Variants in ERICH6B observed in about 807,000 individuals in gnomAD.
ERICH6B encodes glutamate rich 6B.
ERICH6B carries 69 observed loss-of-function variants against 80.0 expected under a neutral mutation model. That is an observed-to-expected ratio of 0.86 (90% CI 0.71 to 1.05). The LOEUF is 1.05. Ranked by LOEUF, ERICH6B falls within the 50% of genes least tolerant of loss-of-function variation. The pLI, the probability that ERICH6B is intolerant of heterozygous loss-of-function variation, is 0.00. For missense variants in ERICH6B, 754 were observed against 796.1 expected, an observed-to-expected ratio of 0.95 and a Z score of 0.64; for synonymous variants, 283 against 291.9, an observed-to-expected ratio of 0.97 and a Z score of 0.31.
chr13:45,590,604 C>G (rs1387688314), intron 4 of ERICH6B, 45 bp downstream of exon 4: 2 of 1,524,340 alleles, frequency 1.3e-6, no homozygotes, highest in Admixed American at 2.0e-5. Context: ...ACATTGTCCC[C>G]AAGCAGGAGT....
At position 45,541,594 on chromosome 13, in the gene ERICH6B, G is replaced by A; in HGVS notation, c.1959C>T (p.Val653=). ...GGAGCCTATTCATTTTCCCCAGAAG[G>A]ACCCGGATCTTCTGGGCTGTTGGGC... ...EPGPTAQKIR[V]LLGKMNRLLN... is the part of the protein sequence containing the mutation. The change falls in exon 15 of 15, where the codon GTC becomes GTT. Residue 653 remains valine (V), a synonymous_variant. Transcript: ENST00000298738. The A allele has an allele frequency of 6.4e-7, 1 of 1,551,836 alleles. No individual in the cohort carries two copies. Among genetic ancestry groups the A allele is most frequent in the Non-Finnish European group, 8.7e-7 (1 of 1,147,032 alleles).
At chr13:45,542,716 C>G (rs2137950651) in intron 14 of ERICH6B, among the ~76,000 whole-genome samples, 1 of 152,362 alleles carries the variant, frequency 6.6e-6, no homozygotes, top group Non-Finnish European at 1.5e-5. Context: ...GTGCTGGCCT[C>G]CTCTTCACTG....
chr13:45,555,682 C>G (rs1874408499), intron 11 of ERICH6B, among the ~76,000 whole-genome samples: 1 of 151,882 alleles, frequency 6.6e-6, no homozygotes, highest in African/African-American at 2.4e-5. Flanking sequence ...ATGAAAAGAC[C>G]CAGATCCCCG....
intron 11 of ERICH6B, among the ~76,000 whole-genome samples, 153 bp downstream of exon 11, chr13:45,561,216 A>G (rs1874658580): frequency 6.6e-6 from 1 of 152,056 alleles, no homozygotes; most frequent in African/African-American, 2.4e-5. Flanking sequence ...CCAGCAACCC[A>G]CACACTCAGG....
At chr13:45,576,139 C>T (rs1875392448) in intron 7 of ERICH6B, among the ~76,000 whole-genome samples, 1 of 152,202 alleles carries the variant, frequency 6.6e-6, no homozygotes, top group Admixed American at 6.5e-5. Flanking sequence ...GTAGCAAAAA[C>T]TCTGACTCCT....
At chr13:45,589,177 A>G (rs1031324345) in intron 4 of ERICH6B, among the ~76,000 whole-genome samples, 4 of 152,166 alleles carry the variant, frequency 2.6e-5, no homozygotes, top group African/African-American at 9.7e-5. Flanking sequence ...TCTCATGTAA[A>G]GAATATCCTG....
intron 4 of ERICH6B, 41 bp from the exon 5 acceptor site, chr13:45,587,273 G>T: frequency 1.3e-6 from 2 of 1,541,914 alleles, no homozygotes; most frequent in Non-Finnish European, 1.8e-6. Context: ...TCCAGACAGG[G>T]GCCAGGTCAG....
intron 1 of ERICH6B, among the ~76,000 whole-genome samples, chr13:45,614,284 C>T (rs1232863611): frequency 1.3e-5 from 2 of 152,196 alleles, no homozygotes; most frequent in Admixed American, 1.3e-4. Flanking sequence ...GGAAGACACA[C>T]AAGCTCTTCC....
At chr13:45,606,529 ATATATATATATATATATATTTTTTT>A (rs1566307793) in intron 2 of ERICH6B, among the ~76,000 whole-genome samples, 340 of 23,094 alleles carry the variant, frequency 0.015, 28 homozygotes, top group Admixed American at 0.13. Context: ...ATATATATAT[ATATATATATATATATATATTTTTTT>A]TTTTTTTTTT....
chr13:45,613,975 C>T (rs1949913910), intron 1 of ERICH6B, among the ~76,000 whole-genome samples: 1 of 152,142 alleles, frequency 6.6e-6, no homozygotes, highest in Admixed American at 6.5e-5. Flanking sequence ...CAGGGTCTGT[C>T]TTAGCAGGAT....
At chr13:45,598,010 C>A (rs541749918) in intron 2 of ERICH6B, among the ~76,000 whole-genome samples, 1 of 152,258 alleles carries the variant, frequency 6.6e-6, no homozygotes, top group East Asian at 1.9e-4. Flanking sequence ...TAAATCAAAT[C>A]AGGATTTCCT....
At chr13:45,552,278 G>A (rs1874252365) in intron 11 of ERICH6B, among the ~76,000 whole-genome samples, 2 of 152,106 alleles carry the variant, frequency 1.3e-5, no homozygotes, top group Admixed American at 1.3e-4. Context: ...GCATGTGCTT[G>A]GAAAGGGTGT....
chr13:45,563,856 TGCAG>T, intron 9 of ERICH6B, 68 bp from the exon 10 acceptor site: 2 of 1,316,464 alleles, frequency 1.5e-6, no homozygotes, highest in Non-Finnish European at 2.1e-6. Flanking sequence ...TCACACACAG[TGCAG>T]ACAGTACTGG....
intron 14 of ERICH6B, among the ~76,000 whole-genome samples, chr13:45,543,909 T>A (rs1387774837): frequency 6.6e-6 from 1 of 152,140 alleles, no homozygotes; most frequent in Non-Finnish European, 1.5e-5. Context: ...CCCTGACTTC[T>A]GACACGGCCA....
chr13:45,572,383 T>C (rs1016892095), intron 8 of ERICH6B, among the ~76,000 whole-genome samples: 1 of 152,182 alleles, frequency 6.6e-6, no homozygotes, highest in Non-Finnish European at 1.5e-5. Flanking sequence ...CAGAGTGACC[T>C]TTAAAAATGC....
chr13:45,588,561 G>C (rs1429871164), intron 4 of ERICH6B, among the ~76,000 whole-genome samples: 4 of 152,202 alleles, frequency 2.6e-5, no homozygotes, highest in Non-Finnish European at 5.9e-5. Context: ...GATGATGACT[G>C]TCGTACCTCA....
At chr13:45,566,937 G>A (rs1199714022) in intron 9 of ERICH6B, among the ~76,000 whole-genome samples, 1 of 152,262 alleles carries the variant, frequency 6.6e-6, no homozygotes, top group Admixed American at 6.5e-5. Context: ...GCATCTGGGA[G>A]GGAGGCTATA....
chr13:45,581,303 C>T (rs910409264), intron 5 of ERICH6B, among the ~76,000 whole-genome samples: 2 of 152,204 alleles, frequency 1.3e-5, no homozygotes, highest in Non-Finnish European at 2.9e-5. Flanking sequence ...TCTTCCTACT[C>T]CTGAATGCTA....
chr13:45,588,601 G>A (rs927180869), intron 4 of ERICH6B, among the ~76,000 whole-genome samples: 1 of 152,342 alleles, frequency 6.6e-6, no homozygotes, highest in South Asian at 2.1e-4. Context: ...GACCCACAGA[G>A]ATGATGCCAG....
Sources: allele counts gnomAD v4.1 joint callset (sites outside exome capture counted in the v4.1 genomes callset), GRCh38; gene constraint gnomAD v4.1.1; transcripts MANE v1.5; gene names NCBI Gene and HGNC (gene_info 2026-07-23, HGNC 2026-07-21).